NID2: variants seen among roughly 807,000 people sequenced by gnomAD.
NID2 encodes nidogen-2.
A neutral mutation model predicts 145.4 loss-of-function variants in NID2; 83 were observed. That is an observed-to-expected ratio of 0.57 (90% CI 0.48 to 0.69). The LOEUF (loss-of-function observed/expected upper bound fraction) is 0.69, where lower values mean the gene tolerates loss of function less well. Ranked by LOEUF, NID2 falls within the 30% of genes least tolerant of loss-of-function variation. The pLI is 0.00. For missense variants in NID2, 1,807 were observed against 1,765.7 expected (o/e 1.02, Z -0.42); for synonymous variants, 739 against 701.3 (o/e 1.05, Z -0.85).
At position 52,040,662 on chromosome 14, in the gene NID2, T is replaced by C; in HGVS notation, c.2015A>G (p.Tyr672Cys). ...HISPYKELYH[Y>C]SDSTVTSTSS... ...CTGGTTATACATACTGGAGTCGGAG[T>C]AGTGGTACAGCTCCTTGTAGGGAGA... Residue 672 changes from tyrosine to cysteine, a missense_variant, in exon 8 of 22, where the codon TAC (tyrosine) becomes TGC (cysteine). Transcript: ENST00000216286. 1.2e-6 allele frequency: 2 copies of C among 1,613,610 alleles called. No individual in the cohort carries two copies. The highest frequency in any genetic ancestry group is 1.7e-6 in the Non-Finnish European group (2 of 1,179,646).
intron 13 of NID2, 98 bp downstream of exon 13, chr14:52,019,961 G>A: frequency 1.3e-6 from 2 of 1,484,800 alleles, no homozygotes; most frequent in Non-Finnish European, 1.8e-6. Flanking sequence ...ATCCACCAAG[G>A]CTCCAGACCA....
At chr14:52,065,954 G>A (rs532776254) in intron 2 of NID2, among the ~76,000 whole-genome samples, 21 of 148,126 alleles carry the variant, frequency 1.4e-4, no homozygotes, top group South Asian at 1.1e-3. Flanking sequence ...GAATAGTGCC[G>A]CAATAAACAT....
rs12323630 is a variant in NID2 at position 52,057,763 on chromosome 14, T to A, written c.767+2361A>T. The stretch of plus-strand genomic sequence containing the variant: ...AAATGTAAACAAACAAAAAAATGAA[T>A]ATGGCAAAATGTTTACAATGTATAA... On this transcript the variant is annotated intron_variant, in intron 3 of 21. Transcript: ENST00000216286. Among the ~76,000 whole-genome samples, 1,075 of 139,428 alleles carry A rather than the reference T, an allele frequency of 7.7e-3. 18 individuals are homozygous for A. The highest frequency in any genetic ancestry group is 0.028 in the African/African-American group (1,024 of 36,664). 91.5% of individuals were successfully genotyped at this position (139,428 alleles called of 152,430 possible). A position where few individuals can be genotyped will look rare whatever the true frequency, so the allele number is the denominator to read the frequency against.
intron 12 of NID2, among the ~76,000 whole-genome samples, chr14:52,026,444 T>A (rs1891588967): frequency 6.6e-6 from 1 of 152,262 alleles, no homozygotes; most frequent in South Asian, 2.1e-4. Context: ...TGTGTCGTTT[T>A]ACCCTAACTG....
chr14:52,011,331 A>G (rs1891010517), intron 17 of NID2, among the ~76,000 whole-genome samples: 2 of 152,142 alleles, frequency 1.3e-5, no homozygotes. Flanking sequence ...TCTTACCATG[A>G]ATTCTTTTAA....
rs1334365295 is a variant in NID2 at position 52,028,801 on chromosome 14, T to A, written c.2451A>T (p.Val817=). The A allele has an allele frequency of 2.5e-6, 4 of 1,614,008 alleles. No individual in the cohort carries two copies. The East Asian group carries it at 8.9e-5, about 36-fold the overall frequency. The change falls in exon 11 of 22, where the codon GTA becomes GTT. Residue 817 remains valine (V), a synonymous_variant. Coordinates refer to ENST00000216286, the MANE Select transcript of NID2 (RefSeq NM_007361.4). ...TGTAGCTTCCAGGCAAGTTGATACA[T>A]ACAGAGTTGGGGCCACAGCGATGAA... The part of the protein sequence containing the change: ...TGFHRCGPNS[V]CINLPGSYRC...
intron 20 of NID2, chr14:52,006,064 A>T: frequency 1.8e-6 from 1 of 542,576 alleles, no homozygotes; most frequent in East Asian, 3.2e-5. Context: ...GAGCTATCAA[A>T]TCAGAGTTGT....
At position 52,030,555 on chromosome 14, in the gene NID2, AGAAAGAAAGAAAGGAAGGAAGG is replaced by A. The variant is rs1891789803; in HGVS notation, c.2258-887_2258-866del. ...AAGAAAGAAAGAAAGAAAGAAAGAAAGAAAGAAAGAAAGGAAGGAAGGGAAAGAAAGAAAGAAAGAAAGAAAG... is the reference window on the plus strand; with the variant it reads ...AAGAAAGAAAGAAAGAAAGAAAGAAAGAAAGAAAGAAAGAAAGAAAGAAAG... On this transcript the variant is annotated intron_variant, in intron 9 of 21. Coordinates refer to ENST00000216286, the MANE Select transcript of NID2 (RefSeq NM_007361.4). Among the ~76,000 whole-genome samples, 8 of 71,518 alleles carry A rather than the reference AGAAAGAAAGAAAGGAAGGAAGG, an allele frequency of 1.1e-4. No homozygotes were observed. The Admixed American group carries it at 1.1e-3, about 10-fold the overall frequency. 46.9% of individuals were successfully genotyped at this position (71,518 alleles called of 152,430 possible). A position where few individuals can be genotyped will look rare whatever the true frequency, so the allele number is the denominator to read the frequency against.
At chr14:52,017,828 A>G (rs1891267941) in intron 14 of NID2, among the ~76,000 whole-genome samples, 6 of 149,376 alleles carry the variant, frequency 4.0e-5, no homozygotes, top group Admixed American at 4.0e-4. Flanking sequence ...CTTTTTTTAA[A>G]AAAACAAAAA....
intron 14 of NID2, among the ~76,000 whole-genome samples, chr14:52,018,359 A>G (rs1891287598): frequency 6.6e-6 from 1 of 152,218 alleles, no homozygotes. Context: ...ATCCCTGAAT[A>G]ATTCAACAAG....
At chr14:52,008,169 G>C (rs927884733) in intron 18 of NID2, 4 of 458,960 alleles carry the variant, frequency 8.7e-6, no homozygotes, top group Non-Finnish European at 1.5e-5. Flanking sequence ...GCCGATATTC[G>C]GTCTCAAAAA....
At position 52,042,210 on chromosome 14, in the gene NID2, G is replaced by A. The variant is rs767007263; in HGVS notation, c.1720C>T (p.Gln574Ter). 2 of 1,614,226 alleles carry A rather than the reference G, an allele frequency of 1.2e-6. No homozygotes were observed. The highest frequency in any genetic ancestry group is 1.7e-5 in the Admixed American group (1 of 60,032). The change falls in exon 7 of 22, where the codon CAG becomes TAG. Residue 574 changes from glutamine to a stop codon, truncating the protein, a stop_gained. Coordinates refer to ENST00000216286, the MANE Select transcript of NID2 (RefSeq NM_007361.4). LOFTEE classifies it high-confidence loss of function. Reference sequence around the variant, plus strand: ...GGGAGGAGGGCCTGGGCTGCTGGCTGTGGGATGTGGCTGATGGCCGTGTAG... The same window carrying A: ...GGGAGGAGGGCCTGGGCTGCTGGCTATGGGATGTGGCTGATGGCCGTGTAG... The part of the protein sequence containing the change: ...RAYTAISHIP[Q>*]PAAQALLPLT...
rs1205668286 is a variant in NID2 at position 52,060,028 on chromosome 14, T to C, written c.767+96A>G. The C allele has an allele frequency of 4.9e-6, 4 of 819,614 alleles. No homozygotes were observed. In the East Asian group the frequency reaches 1.0e-4, roughly 21 times the overall value. 50.8% of individuals were successfully genotyped at this position (819,614 alleles called of 1,614,324 possible). ...TGATGCCTTACTTAGAAGCCACCAA[T>C]ATATTATGTAATGGTCTTATGGTCA... On this transcript the variant is annotated intron_variant, in intron 3 of 21. Coordinates refer to ENST00000216286, the MANE Select transcript of NID2 (RefSeq NM_007361.4).
At chr14:52,030,568 G>GAAA (rs1555363723) in intron 9 of NID2, among the ~76,000 whole-genome samples, 5,589 of 37,424 alleles carry the variant, frequency 0.15, 493 homozygotes, top group Non-Finnish European at 0.2. Context: ...AAGAAAGAAA[G>GAAA]GAAGGAAGGG....
intron 5 of NID2, among the ~76,000 whole-genome samples, chr14:52,046,677 A>G (rs1388208163): frequency 6.6e-6 from 1 of 152,258 alleles, no homozygotes; most frequent in Admixed American, 6.5e-5. Flanking sequence ...TATTACAGAA[A>G]AAGAAGTTAT....
chr14:52,029,517 A>C, intron 10 of NID2, 30 bp downstream of exon 10: 1 of 1,591,370 alleles, frequency 6.3e-7, no homozygotes, highest in South Asian at 1.1e-5. Flanking sequence ...CAAGGGCTAC[A>C]AGAAGGAGAC....
chr14:52,059,100 T>A (rs1892945284), intron 3 of NID2, among the ~76,000 whole-genome samples: 1 of 152,196 alleles, frequency 6.6e-6, no homozygotes, highest in African/African-American at 2.4e-5. Flanking sequence ...TTACTTAACT[T>A]CCCTAAGCTC....
At chr14:52,028,622 G>C in intron 11 of NID2, 100 bp downstream of exon 11, 2 of 1,340,648 alleles carry the variant, frequency 1.5e-6, no homozygotes, top group Non-Finnish European at 2.0e-6. Flanking sequence ...AAACCATATA[G>C]CAGAGCCTCT....
At position 52,027,290 on chromosome 14, in the gene NID2, G is replaced by C. The variant is rs1340424537; in HGVS notation, c.2585C>G (p.Ala862Gly). The C allele has an allele frequency of 4.8e-5, 77 of 1,595,968 alleles. No homozygotes were observed. Among genetic ancestry groups the C allele is most frequent in the Non-Finnish European group, 6.5e-5 (76 of 1,172,278 alleles). ...CEDGSHTCAP[A>G]GQARCVHHGG... is the part of the protein sequence containing the mutation. ...ATGGTGAACACACCGGGCCTGCCCA[G>C]CAGGAGCACAGGTATGACTGCCATC... The change falls in exon 12 of 22, where the codon GCT becomes GGT. Residue 862 changes from alanine to glycine, a missense_variant. Transcript: ENST00000216286.
Sources: allele counts gnomAD v4.1 joint callset (sites outside exome capture counted in the v4.1 genomes callset), GRCh38; gene constraint gnomAD v4.1.1; transcripts MANE v1.5; gene names NCBI Gene and HGNC (gene_info 2026-07-23, HGNC 2026-07-21).